HAUS6: variants seen among roughly 807,000 people sequenced by gnomAD.
HAUS6 encodes the protein HAUS augmin-like complex subunit 6.
A neutral mutation model predicts 106.8 loss-of-function variants in HAUS6; 80 were observed. That is an observed-to-expected ratio of 0.75 (90% CI 0.63 to 0.90). The LOEUF (loss-of-function observed/expected upper bound fraction) is 0.90, where lower values mean the gene tolerates loss of function less well. Ranked by LOEUF, HAUS6 falls within the 40% of genes least tolerant of loss-of-function variation. The pLI, the probability that HAUS6 is intolerant of heterozygous loss-of-function variation, is 0.00. For synonymous variants in HAUS6, 356 were observed against 379.1 expected (o/e 0.94, Z 0.71); for missense variants, 1,155 against 1,118.1 (o/e 1.03, Z -0.47).
At chr9:19,090,344 A>G (rs1218094315) in intron 4 of HAUS6, among the ~76,000 whole-genome samples, 1 of 152,144 alleles carries the variant, frequency 6.6e-6, no homozygotes, top group Non-Finnish European at 1.5e-5. Context: ...AATAAGAGCT[A>G]CTTTGCTTCC....
At position 19,061,275 on chromosome 9, in the gene HAUS6, T is replaced by C. The variant is rs112552651; in HGVS notation, c.1630-1052A>G. ...CTTCTGGGAATTAAAACACTAAATATCCCCTGTCATAAACACTCTTAAAGA... is the reference window on the plus strand; with the variant it reads ...CTTCTGGGAATTAAAACACTAAATACCCCCTGTCATAAACACTCTTAAAGA... On this transcript the variant is annotated intron_variant, in intron 14 of 16. Transcript: ENST00000380502. Among the ~76,000 whole-genome samples the C allele has an allele frequency of 3.4e-3, 517 of 152,238 alleles. 2 individuals carry two copies. The highest frequency in any genetic ancestry group is 0.012 in the African/African-American group (500 of 41,548).
Position 19,083,026 on chromosome 9 carries a change from A to G in HAUS6, c.717T>C (p.Ala239=), listed in dbSNP as rs1837197858. The G allele has an allele frequency of 6.3e-7, 1 of 1,584,252 alleles. No homozygotes were observed. Residue 239 remains alanine, a synonymous_variant, in exon 8 of 17, where the codon GCT becomes GCC. Coordinates refer to ENST00000380502, the MANE Select transcript of HAUS6 (RefSeq NM_017645.5). ...EKIQKVRSLW[A]SVNETLMFLE... ...AAAACATGAGCGTTTCATTCACTGAAGCCCACAAAGACCGAACCTTTGGAA... is the reference window on the plus strand; with the variant it reads ...AAAACATGAGCGTTTCATTCACTGAGGCCCACAAAGACCGAACCTTTGGAA...
At chr9:19,073,708 G>C (rs1446097114) in intron 11 of HAUS6, 2 of 150,014 alleles carry the variant, frequency 1.3e-5, no homozygotes, top group Non-Finnish European at 3.0e-5. Context: ...TAAAAACAAA[G>C]CCAAGAGCTA....
intron 3 of HAUS6, among the ~76,000 whole-genome samples, chr9:19,093,607 A>G (rs967843548): frequency 6.6e-6 from 1 of 152,156 alleles, no homozygotes; most frequent in African/African-American, 2.4e-5. Context: ...GGTGGCTCAT[A>G]CCTGTAATCC....
intron 12 of HAUS6, among the ~76,000 whole-genome samples, chr9:19,069,411 G>A (rs12164262): frequency 0.28 from 42,963 of 152,012 alleles, 7,877 homozygotes; most frequent in African/African-American, 0.53. Flanking sequence ...AAAATTGGCC[G>A]GGTGCGGTGG....
At position 19,083,032 on chromosome 9, in the gene HAUS6, C is replaced by G. The variant is rs1484736348; in HGVS notation, c.711G>C (p.Leu237Phe). The G allele has an allele frequency of 8.9e-6, 14 of 1,580,368 alleles. No individual in the cohort carries two copies. The highest frequency in any genetic ancestry group is 1.1e-5 in the Non-Finnish European group (13 of 1,167,204). The stretch of plus-strand genomic sequence containing the variant: ...TGAGCGTTTCATTCACTGAAGCCCA[C>G]AAAGACCGAACCTTTGGAAACAGAA... ...MEEKIQKVRS[L>F]WASVNETLMF... Residue 237 changes from leucine to phenylalanine, a missense_variant, in exon 8 of 17, where the codon TTG (leucine) becomes TTC (phenylalanine). This residue lies in a region of HAUS6 where 761 missense variants were observed against 690.0 expected (regional missense o/e 1.10). Transcript: ENST00000380502.
At chr9:19,085,889 T>A (rs1837281914) in intron 7 of HAUS6, among the ~76,000 whole-genome samples, 1 of 152,172 alleles carries the variant, frequency 6.6e-6, no homozygotes, top group African/African-American at 2.4e-5. Context: ...AAAACCCTTT[T>A]GAATATAATT....
intron 12 of HAUS6, chr9:19,064,915 A>T (rs1836727857): frequency 6.6e-6 from 1 of 152,204 alleles, no homozygotes; most frequent in Non-Finnish European, 1.5e-5. Flanking sequence ...AGAGCCAGCA[A>T]TCTATGGACC....
At chr9:19,098,702 G>T (rs1817915778) in intron 1 of HAUS6, among the ~76,000 whole-genome samples, 1 of 148,080 alleles carries the variant, frequency 6.8e-6, no homozygotes, top group East Asian at 2.0e-4. Context: ...GGAATGGATT[G>T]TTGAGTCATA....
intron 1 of HAUS6, among the ~76,000 whole-genome samples, chr9:19,100,441 G>A (rs1817964050): frequency 6.6e-6 from 1 of 152,192 alleles, no homozygotes; most frequent in Non-Finnish European, 1.5e-5. Flanking sequence ...GTTACAAGAT[G>A]GTGGATCCTG....
At chr9:19,089,363 T>A in intron 5 of HAUS6, 49 bp downstream of exon 5, 1 of 1,197,504 alleles carries the variant, frequency 8.4e-7, no homozygotes, top group Non-Finnish European at 1.2e-6. Context: ...ATTGGTGACA[T>A]CTGTTCAAAA....
intron 15 of HAUS6, among the ~76,000 whole-genome samples, chr9:19,059,797 A>AT (rs907945200): frequency 1.7e-4 from 25 of 149,722 alleles, no homozygotes; most frequent in South Asian, 4.2e-4. Flanking sequence ...GAGGCAAGAG[A>AT]TTTTTTTTTT....
At chr9:19,072,192 A>AG (rs893789080) in intron 11 of HAUS6, among the ~76,000 whole-genome samples, 2 of 148,528 alleles carry the variant, frequency 1.3e-5, no homozygotes, top group African/African-American at 4.9e-5. Context: ...CTCCCTCTCA[A>AG]AAAAAAAAAA....
chr9:19,083,090 A>G (rs376271600), intron 7 of HAUS6, 47 bp from the exon 8 acceptor site: 44 of 1,168,708 alleles, frequency 3.8e-5, no homozygotes, highest in Admixed American at 2.7e-4. Context: ...TAATCTGTAC[A>G]TATTTTAAAA....
intron 7 of HAUS6, among the ~76,000 whole-genome samples, chr9:19,084,411 C>G (rs1837238493): frequency 6.6e-6 from 1 of 152,132 alleles, no homozygotes. Flanking sequence ...GTGCTGGTAA[C>G]ATCCTATTCC....
chr9:19,061,752 T>A (rs1392158122), intron 14 of HAUS6, among the ~76,000 whole-genome samples: 1 of 152,208 alleles, frequency 6.6e-6, no homozygotes, highest in East Asian at 1.9e-4. Context: ...GAAGGATCCC[T>A]TGAGCTCAGA....
At chr9:19,092,164 G>GT (rs1817763472) in intron 4 of HAUS6, among the ~76,000 whole-genome samples, 1 of 152,054 alleles carries the variant, frequency 6.6e-6, no homozygotes, top group Admixed American at 6.6e-5. Context: ...AGTGATAAAA[G>GT]TATCAGTTGT....
chr9:19,065,597 T>C (rs1836745393), intron 12 of HAUS6, among the ~76,000 whole-genome samples: 1 of 152,198 alleles, frequency 6.6e-6, no homozygotes, highest in African/African-American at 2.4e-5. Context: ...TCCCACCACT[T>C]TGGGAGGCTG....
intron 14 of HAUS6, among the ~76,000 whole-genome samples, chr9:19,062,021 A>C (rs1836634074): frequency 6.6e-6 from 1 of 152,240 alleles, no homozygotes; most frequent in Non-Finnish European, 1.5e-5. Context: ...ACCAAATTCA[A>C]GCAATGCTAA....
Sources: gnomAD v4.1 joint callset for allele counts (sites outside exome capture counted in the v4.1 genomes callset) on GRCh38, gnomAD v4.1.1 for gene constraint, gnomAD v4.1.1 regional missense constraint, MANE v1.5 for transcripts, NCBI Gene and HGNC (gene_info 2026-07-23, HGNC 2026-07-21) for gene names.